SH3GL2: variants seen among roughly 807,000 people sequenced by gnomAD.
SH3GL2 encodes the protein SH3 domain containing GRB2 like 2, endophilin A1, also known as endophilin-A1.
Under a neutral mutation model 46.0 loss-of-function variants are expected in SH3GL2, and 24 were observed. The ratio of observed to expected loss-of-function variants is 0.52; its 90% CI spans 0.38 to 0.73. The LOEUF (loss-of-function observed/expected upper bound fraction) is 0.73, where lower values mean the gene tolerates loss of function less well. Ranked by LOEUF, SH3GL2 falls within the 30% of genes least tolerant of loss-of-function variation. SH3GL2 has a pLI of 0.00. For missense variants in SH3GL2, 413 were observed against 424.2 expected (o/e 0.97, Z 0.23); for synonymous variants, 196 against 147.1 (o/e 1.33, Z -2.40).
At chr9:17,681,994 C>T (rs1371423536) in intron 1 of SH3GL2, among the ~76,000 whole-genome samples, 1 of 151,954 alleles carries the variant, frequency 6.6e-6, no homozygotes, top group Non-Finnish European at 1.5e-5. Flanking sequence ...TAGAGAAATG[C>T]AAATCAAAAC....
chr9:17,609,454 A>G (rs969264242), intron 1 of SH3GL2, among the ~76,000 whole-genome samples: 1 of 152,032 alleles, frequency 6.6e-6, no homozygotes, highest in South Asian at 2.1e-4. Flanking sequence ...AAGCAGGTAG[A>G]ATAGAGGCAT....
chr9:17,735,479 T>C (rs1410481146), intron 1 of SH3GL2, among the ~76,000 whole-genome samples: 1 of 152,140 alleles, frequency 6.6e-6, no homozygotes, highest in African/African-American at 2.4e-5. Context: ...CCTTGAACAA[T>C]ACTTACTTGA....
intron 1 of SH3GL2, chr9:17,589,839 C>CA: frequency 6.6e-6 from 1 of 152,262 alleles, no homozygotes; most frequent in Non-Finnish European, 1.5e-5. Context: ...GGCCCCGTAA[C>CA]ATGTGGGCCA....
At chr9:17,764,599 AG>A (rs1823269029) in intron 3 of SH3GL2, among the ~76,000 whole-genome samples, 1 of 152,188 alleles carries the variant, frequency 6.6e-6, no homozygotes, top group Non-Finnish European at 1.5e-5. Context: ...TTACATGGAC[AG>A]GCCAGGGGAA....
chr9:17,599,360 G>T (rs1818628153), intron 1 of SH3GL2, among the ~76,000 whole-genome samples: 1 of 152,152 alleles, frequency 6.6e-6, no homozygotes, highest in African/African-American at 2.4e-5. Flanking sequence ...ATTAAGATTT[G>T]CAGCATACAA....
At chr9:17,706,410 C>T (rs1413170989) in intron 1 of SH3GL2, among the ~76,000 whole-genome samples, 2 of 152,110 alleles carry the variant, frequency 1.3e-5, no homozygotes, top group Admixed American at 1.3e-4. Flanking sequence ...AGCACCTCTT[C>T]ATGAACTTTC....
At chr9:17,616,726 T>C (rs1173531870) in intron 1 of SH3GL2, among the ~76,000 whole-genome samples, 2 of 152,224 alleles carry the variant, frequency 1.3e-5, no homozygotes, top group African/African-American at 2.4e-5. Context: ...TATCATTGAA[T>C]ATAGTAAGTC....
chr9:17,692,795 A>G (rs1274258196), intron 1 of SH3GL2, among the ~76,000 whole-genome samples: 3 of 152,134 alleles, frequency 2.0e-5, no homozygotes, highest in Non-Finnish European at 4.4e-5. Flanking sequence ...AGAGAGGTTT[A>G]ATTGGACTTA....
intron 1 of SH3GL2, among the ~76,000 whole-genome samples, chr9:17,693,533 C>A (rs527377200): frequency 1.1e-4 from 16 of 151,974 alleles, no homozygotes; most frequent in Non-Finnish European, 2.2e-4. Flanking sequence ...TGCAGAAATG[C>A]GAATGGTGTA....
chr9:17,738,612 T>A (rs1822424229), intron 1 of SH3GL2, among the ~76,000 whole-genome samples: 1 of 87,050 alleles, frequency 1.1e-5, no homozygotes. Context: ...TTCAAGGAAT[T>A]GCCTCATGTG....
intron 1 of SH3GL2, among the ~76,000 whole-genome samples, chr9:17,742,840 TAGG>T (rs1276761971): frequency 2.6e-5 from 4 of 152,220 alleles, no homozygotes; most frequent in Non-Finnish European, 5.9e-5. Context: ...GAGTTGTTTT[TAGG>T]AGTTGTTTTT....
intron 1 of SH3GL2, among the ~76,000 whole-genome samples, chr9:17,711,753 A>G (rs1472771059): frequency 6.6e-6 from 1 of 151,900 alleles, no homozygotes; most frequent in Non-Finnish European, 1.5e-5. Flanking sequence ...TTGGAGAATT[A>G]TAAATAAACC....
At chr9:17,763,066 T>C (rs1479387455) in intron 3 of SH3GL2, among the ~76,000 whole-genome samples, 1 of 152,202 alleles carries the variant, frequency 6.6e-6, no homozygotes, top group African/African-American at 2.4e-5. Flanking sequence ...TGAGCACTGA[T>C]GCATTTTCAG....
At chr9:17,788,835 A>G (rs1214830771) in intron 5 of SH3GL2, among the ~76,000 whole-genome samples, 1 of 152,208 alleles carries the variant, frequency 6.6e-6, no homozygotes, top group Non-Finnish European at 1.5e-5. Context: ...GTTAAGATGT[A>G]GATTCCTAGG....
chr9:17,593,814 C>T (rs1394331961), intron 1 of SH3GL2, among the ~76,000 whole-genome samples: 3 of 152,112 alleles, frequency 2.0e-5, no homozygotes, highest in African/African-American at 4.8e-5. Flanking sequence ...CAATACCATC[C>T]GTCATCAGGC....
chr9:17,724,368 A>T (rs1441981936), intron 1 of SH3GL2, among the ~76,000 whole-genome samples: 1 of 152,106 alleles, frequency 6.6e-6, no homozygotes, highest in Non-Finnish European at 1.5e-5. Flanking sequence ...CCTCTATTTG[A>T]TAAGACATTG....
intron 1 of SH3GL2, among the ~76,000 whole-genome samples, chr9:17,671,240 T>G (rs1820466692): frequency 6.6e-6 from 1 of 152,176 alleles, no homozygotes; most frequent in Non-Finnish European, 1.5e-5. Flanking sequence ...ATTCATCAGA[T>G]TTTATTGCTT....
intron 1 of SH3GL2, among the ~76,000 whole-genome samples, chr9:17,638,566 G>A (rs1221966321): frequency 1.3e-5 from 2 of 152,220 alleles, no homozygotes; most frequent in Non-Finnish European, 2.9e-5. Flanking sequence ...ATTCCCCTTT[G>A]AGAAATGATG....
intron 1 of SH3GL2, chr9:17,735,859 C>A: frequency 2.8e-6 from 1 of 361,230 alleles, no homozygotes; most frequent in Non-Finnish European, 3.9e-6. Flanking sequence ...TATGTTTCAT[C>A]TATTGCAGCA....
Sources: gnomAD v4.1 joint callset for allele counts (sites outside exome capture counted in the v4.1 genomes callset) on GRCh38, gnomAD v4.1.1 for gene constraint, MANE v1.5 for transcripts, NCBI Gene and HGNC (gene_info 2026-07-23, HGNC 2026-07-21) for gene names.